The following ENTREP2 variants were observed in gnomAD, a reference collection of about 807,000 sequenced individuals.
The protein encoded by ENTREP2 is endosomal transmembrane epsin interactor 2.
At chr15:29,350,399 G>A in the ENTREP2 span, among the ~76,000 whole-genome samples, 1 of 152,060 alleles carries the variant, frequency 6.6e-6, no homozygotes. Flanking sequence ...AATAACAGGT[G>A]TATGTACTTA....
chr15:29,626,535 CA>C, the ENTREP2 span, among the ~76,000 whole-genome samples: 1 of 152,188 alleles, frequency 6.6e-6, no homozygotes, highest in Non-Finnish European at 1.5e-5. Flanking sequence ...ATAAATTACC[CA>C]ATCTTGAGTA....
chr15:29,571,179 C>A, the ENTREP2 span, among the ~76,000 whole-genome samples: 1 of 151,800 alleles, frequency 6.6e-6, no homozygotes. Context: ...TCCTGGCGTC[C>A]CAGCCTCCGC....
chr15:29,580,937 T>C, the ENTREP2 span, among the ~76,000 whole-genome samples: 1 of 152,336 alleles, frequency 6.6e-6, no homozygotes, highest in East Asian at 1.9e-4. Context: ...ATTCTATAAA[T>C]ATCTATTGAG....
chr15:29,613,472 C>T, the ENTREP2 span: 6 of 424,026 alleles, frequency 1.4e-5, no homozygotes, highest in African/African-American at 8.4e-5. Flanking sequence ...TGGGCACCCT[C>T]CTCCACAGCA....
At chr15:29,531,914 C>T in the ENTREP2 span, among the ~76,000 whole-genome samples, 3 of 152,218 alleles carry the variant, frequency 2.0e-5, no homozygotes, top group Non-Finnish European at 4.4e-5. Flanking sequence ...GATCCACCTG[C>T]CCCTACTTCC....
the ENTREP2 span, chr15:29,137,234 T>A: frequency 6.9e-7 from 1 of 1,441,744 alleles, no homozygotes; most frequent in Non-Finnish European, 9.1e-7. Context: ...CTGGGACATC[T>A]TGTGTGGCTT....
the ENTREP2 span, among the ~76,000 whole-genome samples, chr15:29,601,044 C>A: frequency 1.3e-5 from 2 of 151,100 alleles, no homozygotes; most frequent in African/African-American, 4.9e-5. Flanking sequence ...ATTACAGGTG[C>A]CCGCCACCAC....
chr15:29,504,953 T>C, the ENTREP2 span, among the ~76,000 whole-genome samples: 2 of 152,238 alleles, frequency 1.3e-5, no homozygotes, highest in South Asian at 2.1e-4. Flanking sequence ...TCTTCTGAAG[T>C]TGTGCAAAGA....
At chr15:29,359,040 A>C in the ENTREP2 span, among the ~76,000 whole-genome samples, 1 of 152,342 alleles carries the variant, frequency 6.6e-6, no homozygotes, top group African/African-American at 2.4e-5. Context: ...TTGAGACAAG[A>C]CCACTTTATA....
chr15:29,136,552 G>T, the ENTREP2 span: 1 of 1,531,844 alleles, frequency 6.5e-7, no homozygotes, highest in Middle Eastern at 1.7e-4. Flanking sequence ...GGAGGCAGAA[G>T]TGCTGACAGC....
At chr15:29,340,019 T>TA in the ENTREP2 span, among the ~76,000 whole-genome samples, 1 of 152,254 alleles carries the variant, frequency 6.6e-6, no homozygotes, top group African/African-American at 2.4e-5. Context: ...GTATTTGTGT[T>TA]AGGATAAGAC....
the ENTREP2 span, among the ~76,000 whole-genome samples, chr15:29,303,954 C>A: frequency 6.6e-6 from 1 of 151,770 alleles, no homozygotes; most frequent in Admixed American, 6.6e-5. Flanking sequence ...GATCTCGGCT[C>A]ACTGCAACCT....
At chr15:29,123,217 T>TC in the ENTREP2 span, 24 of 1,052,212 alleles carry the variant, frequency 2.3e-5, no homozygotes, top group Admixed American at 6.0e-5. Context: ...ATCCTGGGTG[T>TC]CCCCCCCACA....
the ENTREP2 span, among the ~76,000 whole-genome samples, chr15:29,438,385 G>T: frequency 6.6e-6 from 1 of 152,204 alleles, no homozygotes; most frequent in Non-Finnish European, 1.5e-5. Context: ...GAGCCAGGTG[G>T]CCATAGTTGG....
chr15:29,605,729 C>A, the ENTREP2 span, among the ~76,000 whole-genome samples: 1 of 151,990 alleles, frequency 6.6e-6, no homozygotes, highest in African/African-American at 2.4e-5. Flanking sequence ...CCCAGCTACT[C>A]GGGAGGCTGA....
At chr15:29,397,229 A>C in the ENTREP2 span, among the ~76,000 whole-genome samples, 1 of 152,062 alleles carries the variant, frequency 6.6e-6, no homozygotes, top group Non-Finnish European at 1.5e-5. Context: ...GTCTCCACTA[A>C]AAATACAAAC....
At chr15:29,525,158 G>T in the ENTREP2 span, among the ~76,000 whole-genome samples, 1 of 152,166 alleles carries the variant, frequency 6.6e-6, no homozygotes, top group Admixed American at 6.5e-5. Context: ...CTTTCAGTAA[G>T]AATGTAAAAT....
At chr15:29,402,055 C>CATT in the ENTREP2 span, among the ~76,000 whole-genome samples, 1 of 151,918 alleles carries the variant, frequency 6.6e-6, no homozygotes, top group African/African-American at 2.4e-5. Context: ...ACCTTTAATC[C>CATT]ATGCATGTAT....
chr15:29,233,591 T>C, the ENTREP2 span: 1 of 648,712 alleles, frequency 1.5e-6, no homozygotes. Context: ...ATACTGACTA[T>C]AAGACCATAA....
Sources: allele counts gnomAD v4.1 joint callset (sites outside exome capture counted in the v4.1 genomes callset), GRCh38; gene constraint gnomAD v4.1.1; transcripts MANE v1.5; gene names NCBI Gene and HGNC (gene_info 2026-07-23, HGNC 2026-07-21).